Variants in SMOC2 observed in about 807,000 individuals in gnomAD.
SMOC2 encodes the protein SPARC related modular calcium binding 2, also known as SPARC-related modular calcium-binding protein 2.
Under a neutral mutation model 61.4 loss-of-function variants are expected in SMOC2, and 39 were observed. That is an observed-to-expected ratio of 0.64 (90% confidence interval 0.49 to 0.83). The LOEUF is 0.83. SMOC2 is among the 40% of genes least tolerant of loss of function. The pLI, the probability that SMOC2 is intolerant of heterozygous loss-of-function variation, is 0.00. For missense variants in SMOC2, 556 were observed against 592.9 expected, an observed-to-expected ratio of 0.94 and a Z score of 0.65; for synonymous variants, 247 against 239.9, an observed-to-expected ratio of 1.03 and a Z score of -0.27.
intron 7 of SMOC2, among the ~76,000 whole-genome samples, chr6:168,570,712 A>G (rs943652101): frequency 2.6e-5 from 4 of 152,238 alleles, no homozygotes; most frequent in Non-Finnish European, 5.9e-5. Context: ...AAGAATTTAA[A>G]GAGAAAACTT....
intron 7 of SMOC2, among the ~76,000 whole-genome samples, chr6:168,580,016 A>G (rs1263538700): frequency 1.3e-5 from 2 of 152,120 alleles, no homozygotes; most frequent in South Asian, 2.1e-4. Context: ...GTGGGAGGCA[A>G]ATGGGACTTG....
At chr6:168,513,016 T>C (rs1783045364) in intron 2 of SMOC2, among the ~76,000 whole-genome samples, 2 of 27,936 alleles carry the variant, frequency 7.2e-5, no homozygotes, top group African/African-American at 5.1e-5. Context: ...GAAATATCTT[T>C]CTATAAAATG....
At chr6:168,511,700 C>T (rs1783012402) in intron 2 of SMOC2, among the ~76,000 whole-genome samples, 1 of 152,116 alleles carries the variant, frequency 6.6e-6, no homozygotes, top group Non-Finnish European at 1.5e-5. Flanking sequence ...AAACTCAACC[C>T]CTATGCATTT....
At chr6:168,448,934 AATTTTACT>A (rs1562534851) in intron 1 of SMOC2, among the ~76,000 whole-genome samples, 4 of 151,982 alleles carry the variant, frequency 2.6e-5, no homozygotes, top group Admixed American at 2.0e-4. Context: ...AATATTTTCC[AATTTTACT>A]ATTTTATGAT....
At chr6:168,539,002 A>T (rs1783815729) in intron 4 of SMOC2, among the ~76,000 whole-genome samples, 1 of 152,080 alleles carries the variant, frequency 6.6e-6, no homozygotes, top group South Asian at 2.1e-4. Context: ...CAGTCAACTC[A>T]GGAAAACCAC....
chr6:168,628,573 G>A (rs984821556), intron 9 of SMOC2, among the ~76,000 whole-genome samples: 18 of 152,188 alleles, frequency 1.2e-4, no homozygotes, highest in Non-Finnish European at 2.1e-4. Flanking sequence ...ATTGGAAAAT[G>A]CAAAACTCGC....
intron 1 of SMOC2, among the ~76,000 whole-genome samples, chr6:168,469,861 G>C (rs974019927): frequency 6.6e-6 from 1 of 152,170 alleles, no homozygotes; most frequent in Non-Finnish European, 1.5e-5. Context: ...CACTCCATTC[G>C]GTGATATTGT....
chr6:168,449,100 A>G (rs1781402249), intron 1 of SMOC2, among the ~76,000 whole-genome samples: 1 of 152,158 alleles, frequency 6.6e-6, no homozygotes, highest in Non-Finnish European at 1.5e-5. Context: ...TTCAGAAGTG[A>G]ACGCAGACCT....
In SMOC2 at chr6:168,666,465, T is replaced by G; in HGVS notation, c.*27T>G. The G allele has an allele frequency of 6.2e-7, 1 of 1,613,410 alleles. No individual in the cohort carries two copies. The highest frequency in any genetic ancestry group is 8.5e-7 in the Non-Finnish European group (1 of 1,179,742). ...TGGCTCATACCCCGAAGGCAGTTCC[T>G]AGACACATGGGAAATTTCCCTCACC... On this transcript the variant is annotated 3_prime_UTR_variant, in exon 13 of 13. Transcript: ENST00000356284.
At chr6:168,626,750 C>T (rs1786421513) in intron 9 of SMOC2, among the ~76,000 whole-genome samples, 1 of 152,190 alleles carries the variant, frequency 6.6e-6, no homozygotes. Flanking sequence ...GGAGAGTGCG[C>T]CAGGAAGTGG....
At chr6:168,659,525 G>GA (rs1321061465) in intron 11 of SMOC2, among the ~76,000 whole-genome samples, 38 of 68,828 alleles carry the variant, frequency 5.5e-4, no homozygotes, top group Admixed American at 8.3e-4. Context: ...TTGTAGGTTG[G>GA]GTGAGGATGG....
chr6:168,507,497 G>A (rs1413602920), intron 1 of SMOC2, among the ~76,000 whole-genome samples: 1 of 152,252 alleles, frequency 6.6e-6, no homozygotes, highest in Non-Finnish European at 1.5e-5. Context: ...TGACTCGGAA[G>A]CATTTTATAA....
chr6:168,609,580 C>T (rs914371581), intron 9 of SMOC2, among the ~76,000 whole-genome samples: 2 of 152,162 alleles, frequency 1.3e-5, no homozygotes, highest in East Asian at 3.9e-4. Flanking sequence ...ATGGCCCTGT[C>T]AGGAGGGAGT....
chr6:168,658,203 C>T (rs528569191), intron 11 of SMOC2, among the ~76,000 whole-genome samples: 137 of 152,202 alleles, frequency 9.0e-4, no homozygotes, highest in African/African-American at 3.3e-3. Context: ...GAACACCCAC[C>T]CAGTGATTCA....
intron 8 of SMOC2, among the ~76,000 whole-genome samples, chr6:168,604,242 A>T (rs1489798832): frequency 6.6e-6 from 1 of 152,202 alleles, no homozygotes; most frequent in Non-Finnish European, 1.5e-5. Context: ...TGGAGCCAAA[A>T]ATCCCTTCCC....
intron 1 of SMOC2, among the ~76,000 whole-genome samples, chr6:168,490,479 C>T (rs1437182379): frequency 6.6e-6 from 1 of 152,306 alleles, no homozygotes; most frequent in Non-Finnish European, 1.5e-5. Context: ...CTCACTCACC[C>T]CTTGATGGCC....
intron 9 of SMOC2, among the ~76,000 whole-genome samples, chr6:168,644,886 G>A (rs1161140937): frequency 6.6e-6 from 1 of 152,058 alleles, no homozygotes; most frequent in Non-Finnish European, 1.5e-5. Context: ...CTGACCTCAA[G>A]TGATCCACCC....
Position 168,490,993 on chromosome 6 carries a change from C to T in SMOC2, c.85-18922C>T, listed in dbSNP as rs371318450. On this transcript the variant is annotated intron_variant, in intron 1 of 12. Transcript: ENST00000356284. ...TGACCCCGTAGGACTCTGGAGAGGT[C>T]ATTCCTGATGGCAGGAAATATTTCT... Among the ~76,000 whole-genome samples the T allele has an allele frequency of 3.3e-5, 5 of 152,158 alleles. No homozygotes were observed. In the East Asian group the frequency reaches 5.8e-4, roughly 18 times the overall value.
chr6:168,445,650 A>G (rs1781315917), intron 1 of SMOC2, among the ~76,000 whole-genome samples: 2 of 152,134 alleles, frequency 1.3e-5, no homozygotes, highest in Non-Finnish European at 2.9e-5. Context: ...TTCCATTGCA[A>G]ATGCCTTGAG....
Sources: allele counts gnomAD v4.1 joint callset (sites outside exome capture counted in the v4.1 genomes callset), GRCh38; gene constraint gnomAD v4.1.1; transcripts MANE v1.5; gene names NCBI Gene and HGNC (gene_info 2026-07-23, HGNC 2026-07-21).